The following TNRC18 variants were observed in gnomAD, a reference collection of about 807,000 sequenced individuals.
The protein encoded by TNRC18 is trinucleotide repeat-containing gene 18 protein.
Under a neutral mutation model 226.7 loss-of-function variants are expected in TNRC18, and 69 were observed. That is an observed-to-expected ratio of 0.30 (90% CI 0.25 to 0.37). The LOEUF (loss-of-function observed/expected upper bound fraction) is 0.37, where lower values mean the gene tolerates loss of function less well. TNRC18 is among the 10% of genes least tolerant of loss of function. TNRC18 has a pLI of 1.00. For synonymous variants in TNRC18, 2,449 were observed against 1,927.6 expected (o/e 1.27, Z -7.09); for missense variants, 4,754 against 4,256.6 (o/e 1.12, Z -3.25).
chr7:5,398,574 C>T (rs184604631), intron 2 of TNRC18, among the ~76,000 whole-genome samples: 25 of 152,084 alleles, frequency 1.6e-4, no homozygotes, highest in Admixed American at 1.2e-3. Flanking sequence ...CTGCCTTGGC[C>T]TCCCAAAGTG....
intron 20 of TNRC18, 79 bp downstream of exon 20, chr7:5,325,017 C>G: frequency 6.8e-7 from 1 of 1,474,118 alleles, no homozygotes; most frequent in South Asian, 1.3e-5. Context: ...TACAGAGGAG[C>G]AGGTGGAGCC....
intron 14 of TNRC18, among the ~76,000 whole-genome samples, chr7:5,360,276 A>C (rs1184347055): frequency 6.6e-6 from 1 of 151,732 alleles, no homozygotes; most frequent in Non-Finnish European, 1.5e-5. Context: ...TGTTGCCAGG[A>C]TGCAGTGCAA....
chr7:5,392,995 G>C (rs916238237), intron 3 of TNRC18, among the ~76,000 whole-genome samples: 11 of 152,244 alleles, frequency 7.2e-5, no homozygotes, highest in African/African-American at 2.4e-4. Context: ...CTGGGCGACA[G>C]AGCAAGACCC....
Position 5,313,748 on chromosome 7 carries a change from G to T in TNRC18, c.7143C>A (p.Asp2381Glu), listed in dbSNP as rs1483102186. The change falls in exon 27 of 30, where the codon GAC (aspartate) becomes GAA (glutamate). Residue 2381 changes from aspartate (D) to glutamate (E), a missense_variant. Asp to Glu is a conservative substitution (Grantham distance 45, BLOSUM62 2). Coordinates refer to ENST00000430969, the MANE Select transcript of TNRC18 (RefSeq NM_001080495.3). ...GSKKSPPEPVDKRAKAPKARP... is the reference protein window; with the variant it reads ...GSKKSPPEPVEKRAKAPKARP... Reference sequence around the variant, plus strand: ...GCGCCTTGGGGGCCTTGGCTCGCTTGTCCACAGGCTCTGGGGGGCTCTTCT... The same window carrying T: ...GCGCCTTGGGGGCCTTGGCTCGCTTTTCCACAGGCTCTGGGGGGCTCTTCT... The T allele has an allele frequency of 1.7e-5, 27 of 1,569,388 alleles. 1 individual carries two copies. The highest frequency in any genetic ancestry group is 4.4e-4 in the Middle Eastern group (2 of 4,506).
chr7:5,396,063 C>T (rs1016720101), intron 2 of TNRC18, among the ~76,000 whole-genome samples: 2 of 145,702 alleles, frequency 1.4e-5, no homozygotes, highest in African/African-American at 5.1e-5. Flanking sequence ...TTTAGCTACT[C>T]GGGAGGCTGA....
Position 5,345,518 on chromosome 7 carries a change from C to CCCA in TNRC18, c.5719+43_5719+44insTGG. 27 of 167,664 alleles carry CCCA rather than the reference C, an allele frequency of 1.6e-4. 1 individual carries two copies. The highest frequency in any genetic ancestry group is 4.6e-4 in the South Asian group (5 of 10,952). 10.4% of individuals were successfully genotyped at this position (167,664 alleles called of 1,614,324 possible). On this transcript the variant is annotated intron_variant, in intron 18 of 29. Transcript: ENST00000430969. ...CTGTGGGATGGGGCAATGGCGTCCG[C>CCCA]CCCTCCCACCCACCCCCACCGCAGC...
rs186534196 is a variant in TNRC18 at position 5,352,300 on chromosome 7, G to C, written c.5195-206C>G. On this transcript the variant is annotated intron_variant, in intron 16 of 29. Coordinates refer to ENST00000430969, the MANE Select transcript of TNRC18 (RefSeq NM_001080495.3). ...GCTTCTCCCTTGCCCTGGGTGCCTC[G>C]GTCATTGCATGGCATCTTCCGAGTG... Among the ~76,000 whole-genome samples the C allele has an allele frequency of 3.2e-3, 492 of 152,260 alleles. 1 individual carries two copies. Among genetic ancestry groups the C allele is most frequent in the Admixed American group, 7.1e-3 (108 of 15,278 alleles).
intron 3 of TNRC18, among the ~76,000 whole-genome samples, chr7:5,391,042 CT>C (rs1780260405): frequency 1.3e-5 from 2 of 152,198 alleles, no homozygotes; most frequent in South Asian, 4.1e-4. Context: ...TACAGCAGAG[CT>C]GCCTGGCTTT....
chr7:5,397,780 G>T (rs1008250393), intron 2 of TNRC18, among the ~76,000 whole-genome samples: 10 of 152,040 alleles, frequency 6.6e-5, no homozygotes, highest in Non-Finnish European at 1.3e-4. Context: ...GACCCAAGCA[G>T]GCCCCAAGTG....
intron 24 of TNRC18, among the ~76,000 whole-genome samples, chr7:5,316,607 G>A (rs968497364): frequency 1.4e-4 from 21 of 152,098 alleles, no homozygotes; most frequent in Non-Finnish European, 2.4e-4. Context: ...CTGACTTTGG[G>A]TGACACAAGA....
In TNRC18 at chr7:5,361,581, G is replaced by A; in HGVS notation, c.4661+13C>T. 1.3e-6 allele frequency: 2 copies of A among 1,501,618 alleles called. No individual in the cohort carries two copies. The highest frequency in any genetic ancestry group is 1.3e-5 in the South Asian group (1 of 77,246). The allele number at this position is 1,501,618 out of a possible 1,614,324, so 93.0% of individuals were successfully genotyped here. The stretch of plus-strand genomic sequence containing the variant: ...GTGTGCCAGTCCCCGACCCACCGAG[G>A]GGCCAGCCTTACTTTCCGCTACTGT... On this transcript the variant is annotated intron_variant, in intron 14 of 29. Transcript: ENST00000430969.
intron 24 of TNRC18, 114 bp downstream of exon 24, chr7:5,320,202 TTA>T (rs1562487616): frequency 1.3e-6 from 1 of 786,310 alleles, no homozygotes; most frequent in Non-Finnish European, 2.1e-6. Context: ...CAGTTTTCAG[TTA>T]TGTGAGCCCA....
At chr7:5,370,020 T>A (rs560354199) in intron 11 of TNRC18, among the ~76,000 whole-genome samples, 3 of 152,174 alleles carry the variant, frequency 2.0e-5, no homozygotes, top group Non-Finnish European at 4.4e-5. Context: ...TATAAAAAAA[T>A]GTTTAAGAGG....
At position 5,307,756 on chromosome 7, in the gene TNRC18, G is replaced by T. The variant is rs780105173; in HGVS notation, c.*350C>A. 5.3e-6 allele frequency: 2 copies of T among 376,016 alleles called. No homozygotes were observed. The highest frequency in any genetic ancestry group is 1.0e-5 in the Non-Finnish European group (2 of 195,514). 23.3% of individuals were successfully genotyped at this position (376,016 alleles called of 1,614,324 possible). ...CGAATCCCCAGTCTGCATGGACCTGGGGGCACCCGGGCCCCCACGCAGCAG... is the reference window on the plus strand; with the variant it reads ...CGAATCCCCAGTCTGCATGGACCTGTGGGCACCCGGGCCCCCACGCAGCAG... On this transcript the variant is annotated 3_prime_UTR_variant, in exon 30 of 30. Coordinates refer to ENST00000430969, the MANE Select transcript of TNRC18 (RefSeq NM_001080495.3).
rs148595672 is a variant in TNRC18 at position 5,355,006 on chromosome 7, C to T, written c.5194+1910G>A. ...GAGCCAATCAAAAGCCCCAGACACA[C>T]AGAACCAGGCAGCTGCCAATGCAAA... is the stretch of plus-strand genomic sequence containing the variant. On this transcript the variant is annotated intron_variant, in intron 16 of 29. Coordinates refer to ENST00000430969, the MANE Select transcript of TNRC18 (RefSeq NM_001080495.3). Among the ~76,000 whole-genome samples, 1,148 of 152,362 alleles carry T rather than the reference C, an allele frequency of 7.5e-3. 12 individuals carry two copies. Among genetic ancestry groups the T allele is most frequent in the African/African-American group, 0.018 (732 of 41,584 alleles).
Position 5,407,901 on chromosome 7 carries a change from C to A in TNRC18, c.187+13159G>T, listed in dbSNP as rs576290626. On this transcript the variant is annotated intron_variant, in intron 2 of 29. Coordinates refer to ENST00000430969, the MANE Select transcript of TNRC18 (RefSeq NM_001080495.3). ...AGAAAAAGCTAGAAGACATCAGATGCCTCTTAGCAGAGACAAAAGAACCAG... is the reference window on the plus strand; with the variant it reads ...AGAAAAAGCTAGAAGACATCAGATGACTCTTAGCAGAGACAAAAGAACCAG... Among the ~76,000 whole-genome samples the A allele has an allele frequency of 7.2e-5, 11 of 152,268 alleles. No individual in the cohort carries two copies. The South Asian group carries it at 2.1e-3, about 29-fold the overall frequency.
chr7:5,343,409 A>C lies in TNRC18; in HGVS notation c.5719+2153T>G, dbSNP rs535374563. Among the ~76,000 whole-genome samples, 3 of 152,246 alleles carry C rather than the reference A, an allele frequency of 2.0e-5. No individual in the cohort carries two copies. The East Asian group carries it at 5.8e-4, about 29-fold the overall frequency. On this transcript the variant is annotated intron_variant, in intron 18 of 29. Coordinates refer to ENST00000430969, the MANE Select transcript of TNRC18 (RefSeq NM_001080495.3). Reference sequence around the variant, plus strand: ...ACTTAAGAGACTACAGGATAGTGTAAACATATGCTTTTGGTTTGGTCTTTT... The same window carrying C: ...ACTTAAGAGACTACAGGATAGTGTACACATATGCTTTTGGTTTGGTCTTTT...
rs371760339 is a variant in TNRC18, at chr7:5,313,571, C to T, written c.7320G>A (p.Ala2440=). The T allele has an allele frequency of 1.6e-4, 257 of 1,605,472 alleles. No homozygotes were observed. The African/African-American group carries it at 2.4e-3, about 15-fold the overall frequency. ...MPATRPKPKK[A]RAAEESGAKG... is the part of the protein sequence containing the mutation. ...TGGCACCCGACTCCTCGGCTGCCCG[C>T]GCCTTCTTGGGCTTGGGGCGTGTGG... The change falls in exon 27 of 30, where the codon GCG becomes GCA. Residue 2440 remains alanine, a synonymous_variant. Transcript: ENST00000430969.
chr7:5,370,921 C>A lies in TNRC18; in HGVS notation c.3673G>T (p.Gly1225Trp). 6.2e-7 allele frequency: 1 copy of A among 1,605,570 alleles called. No homozygotes were observed. Among genetic ancestry groups the A allele is most frequent in the Non-Finnish European group, 8.5e-7 (1 of 1,179,734 alleles). Residue 1225 changes from glycine to tryptophan, a missense_variant, in exon 11 of 30, where the codon GGG becomes TGG. Physicochemically the swap from Gly to Trp is radical, Grantham distance 184 (BLOSUM62 -2). Coordinates refer to ENST00000430969, the MANE Select transcript of TNRC18 (RefSeq NM_001080495.3). The stretch of plus-strand genomic sequence containing the variant: ...GGGGAATCCACCCGTGGTTCAGGCC[C>A]CTCCACAAAGTCTGGACACTCAGAG... The part of the protein sequence containing the change: ...EPSECPDFVE[G>W]PEPRVDSPGR...
Sources: gnomAD v4.1 joint callset for allele counts (sites outside exome capture counted in the v4.1 genomes callset) on GRCh38, gnomAD v4.1.1 for gene constraint, MANE v1.5 for transcripts, NCBI Gene and HGNC (gene_info 2026-07-23, HGNC 2026-07-21) for gene names.